GABRB1: variants seen among roughly 807,000 people sequenced by gnomAD.
GABRB1 encodes gamma-aminobutyric acid type A receptor subunit beta1.
In GABRB1, 17 loss-of-function variants were observed where a neutral mutation model predicts 51.6. The observed-to-expected ratio is 0.33, with a 90% CI of 0.23 to 0.49. The LOEUF (loss-of-function observed/expected upper bound fraction) is 0.49. Among genes scored for constraint, GABRB1 ranks in the 20% least tolerant of loss-of-function variants. GABRB1 has a pLI of 0.99. For synonymous variants in GABRB1, 247 were observed against 218.9 expected, an observed-to-expected ratio of 1.13 and a Z score of -1.14; for missense variants, 410 against 600.6, an observed-to-expected ratio of 0.68 and a Z score of 3.32.
At chr4:47,361,434 G>A (rs955738985) in intron 5 of GABRB1, among the ~76,000 whole-genome samples, 12 of 152,136 alleles carry the variant, frequency 7.9e-5, no homozygotes, top group Non-Finnish European at 1.6e-4. Context: ...GGTAGCTAAA[G>A]TCAGAGTGAG....
chr4:47,369,656 T>G (rs1376068533), intron 5 of GABRB1, among the ~76,000 whole-genome samples: 1 of 152,204 alleles, frequency 6.6e-6, no homozygotes, highest in Non-Finnish European at 1.5e-5. Context: ...TTAATCTCTT[T>G]GGGCCTTAGT....
chr4:47,147,598 A>G (rs909039883), intron 3 of GABRB1, among the ~76,000 whole-genome samples: 1 of 152,160 alleles, frequency 6.6e-6, no homozygotes, highest in African/African-American at 2.4e-5. Context: ...AATGCAGGCC[A>G]TGATGACAGC....
intron 3 of GABRB1, among the ~76,000 whole-genome samples, chr4:47,131,378 G>A (rs1013698062): frequency 2.0e-5 from 3 of 152,102 alleles, no homozygotes; most frequent in Non-Finnish European, 2.9e-5. Context: ...GGCTGGTCTC[G>A]AACTCCTGAC....
At chr4:47,195,202 T>TAAAAATACGA (rs1719598527) in intron 4 of GABRB1, among the ~76,000 whole-genome samples, 1 of 151,992 alleles carries the variant, frequency 6.6e-6, no homozygotes, top group African/African-American at 2.4e-5. Context: ...CCGTCTCTAC[T>TAAAAATACGA]AAAAATACGA....
chr4:47,236,015 C>T (rs1264582333), intron 4 of GABRB1, among the ~76,000 whole-genome samples: 1 of 151,756 alleles, frequency 6.6e-6, no homozygotes, highest in Non-Finnish European at 1.5e-5. Context: ...TCTTATAATG[C>T]TTTTTTTAAA....
intron 3 of GABRB1, among the ~76,000 whole-genome samples, chr4:47,150,464 A>T (rs1026813487): frequency 6.6e-6 from 1 of 152,064 alleles, no homozygotes; most frequent in Non-Finnish European, 1.5e-5. Flanking sequence ...GAGCATTAAT[A>T]GAATAATGAT....
chr4:47,035,767 T>A (rs1725526700), intron 3 of GABRB1, among the ~76,000 whole-genome samples: 1 of 152,184 alleles, frequency 6.6e-6, no homozygotes, highest in Non-Finnish European at 1.5e-5. Context: ...CATCTGCTAC[T>A]ATAAAGCCAG....
intron 3 of GABRB1, among the ~76,000 whole-genome samples, chr4:47,094,282 G>C (rs1368557127): frequency 1.4e-5 from 2 of 142,152 alleles, no homozygotes; most frequent in Non-Finnish European, 3.0e-5. Context: ...CTGGAGTGCA[G>C]TGGCGTGATG....
chr4:47,211,709 C>G (rs1720366415), intron 4 of GABRB1, among the ~76,000 whole-genome samples: 1 of 152,186 alleles, frequency 6.6e-6, no homozygotes, highest in Admixed American at 6.5e-5. Flanking sequence ...AAACCAGTTT[C>G]ACTGTGCTAA....
At chr4:47,340,864 G>A (rs1578106634) in intron 5 of GABRB1, among the ~76,000 whole-genome samples, 1 of 152,152 alleles carries the variant, frequency 6.6e-6, no homozygotes, top group African/African-American at 2.4e-5. Flanking sequence ...GTTGACATAA[G>A]CAATCTAAGA....
intron 3 of GABRB1, among the ~76,000 whole-genome samples, chr4:47,092,524 C>T (rs114330688): frequency 0.016 from 2,355 of 151,822 alleles, 54 homozygotes; most frequent in African/African-American, 0.054. Flanking sequence ...TTAATAAACA[C>T]TTTTTGTATG....
chr4:46,993,745 G>C (rs1412584342), exon 1 of GABRB1: 6 of 264,776 alleles, frequency 2.3e-5, no homozygotes, highest in Non-Finnish European at 4.4e-5. Flanking sequence ...TGCAAGACTC[G>C]GCAAGTTTGT....
intron 5 of GABRB1, among the ~76,000 whole-genome samples, chr4:47,381,088 A>C (rs891180883): frequency 4.6e-5 from 7 of 152,148 alleles, no homozygotes; most frequent in African/African-American, 1.7e-4. Context: ...AATGTGCCCT[A>C]GTCCTTGTGC....
chr4:47,046,307 G>A (rs1726083546), intron 3 of GABRB1, among the ~76,000 whole-genome samples: 1 of 152,094 alleles, frequency 6.6e-6, no homozygotes, highest in Non-Finnish European at 1.5e-5. Flanking sequence ...TATAGTAGAT[G>A]AGATAAGAAG....
At chr4:47,023,936 C>G (rs1725009225) in intron 1 of GABRB1, among the ~76,000 whole-genome samples, 1 of 151,850 alleles carries the variant, frequency 6.6e-6, no homozygotes, top group Non-Finnish European at 1.5e-5. Context: ...TTATGTAACT[C>G]TTGTTAGATT....
chr4:47,101,978 G>T (rs979768229), intron 3 of GABRB1, among the ~76,000 whole-genome samples: 1 of 151,992 alleles, frequency 6.6e-6, no homozygotes, highest in Non-Finnish European at 1.5e-5. Context: ...GGAAGAGGGA[G>T]ACCACTGTTC....
At chr4:47,156,737 G>A (rs921395560) in intron 3 of GABRB1, among the ~76,000 whole-genome samples, 6 of 151,854 alleles carry the variant, frequency 4.0e-5, no homozygotes, top group Admixed American at 1.3e-4. Context: ...GGGGGACCGA[G>A]GGGGGGCAGA....
chr4:46,999,318 G>C (rs1336633217), intron 1 of GABRB1, among the ~76,000 whole-genome samples: 1 of 152,072 alleles, frequency 6.6e-6, no homozygotes, highest in Non-Finnish European at 1.5e-5. Flanking sequence ...GAACCACTTT[G>C]GAAAGCAGTT....
rs906878129 is a variant in GABRB1, at chr4:47,173,983, T to C, written c.461+12514T>C. Among the ~76,000 whole-genome samples, 4 of 152,262 alleles carry C rather than the reference T, an allele frequency of 2.6e-5. No individual in the cohort carries two copies. In the East Asian group the frequency reaches 5.8e-4, roughly 22 times the overall value. On this transcript the variant is annotated intron_variant, in intron 4 of 8. Transcript: ENST00000295454. ...TTATATCACAACTATTGTTTTTCCT[T>C]CATTTTCCTTAATTACTAATCAGAA...
Sources: gnomAD v4.1 joint callset for allele counts (sites outside exome capture counted in the v4.1 genomes callset) on GRCh38, gnomAD v4.1.1 for gene constraint, MANE v1.5 for transcripts, NCBI Gene and HGNC (gene_info 2026-07-23, HGNC 2026-07-21) for gene names.